SEMA3A: variants seen among roughly 807,000 people sequenced by gnomAD.
The protein encoded by SEMA3A is semaphorin-3A.
A neutral mutation model predicts 97.9 loss-of-function variants in SEMA3A; 29 were observed. That is an observed-to-expected ratio of 0.30 (90% CI 0.22 to 0.40). The LOEUF (loss-of-function observed/expected upper bound fraction) is 0.40. Ranked by LOEUF, SEMA3A falls within the 10% of genes least tolerant of loss-of-function variation. The pLI, the probability that SEMA3A is intolerant of heterozygous loss-of-function variation, is 1.00. For missense variants in SEMA3A, 763 were observed against 951.3 expected (o/e 0.80, Z 2.60); for synonymous variants, 321 against 323.7 (o/e 0.99, Z 0.09).
chr7:84,050,717 G>A (rs1267220890), intron 5 of SEMA3A, among the ~76,000 whole-genome samples: 2 of 152,154 alleles, frequency 1.3e-5, no homozygotes, highest in Non-Finnish European at 2.9e-5. Context: ...AGTTTAATTA[G>A]ATCCCATTTG....
chr7:84,329,466 A>G (rs1170176666), intron 2 of SEMA3A, among the ~76,000 whole-genome samples: 1 of 152,068 alleles, frequency 6.6e-6, no homozygotes, highest in Non-Finnish European at 1.5e-5. Context: ...GGTCCAAGAC[A>G]ATACTTCTCC....
chr7:84,368,889 A>G (rs1468944303), intron 2 of SEMA3A, among the ~76,000 whole-genome samples: 1 of 151,092 alleles, frequency 6.6e-6, no homozygotes, highest in Non-Finnish European at 1.5e-5. Context: ...AAAGTTATAT[A>G]TAACTTGTAT....
intron 12 of SEMA3A, among the ~76,000 whole-genome samples, chr7:84,000,204 G>A (rs1161641377): frequency 2.0e-5 from 3 of 151,958 alleles, no homozygotes; most frequent in Non-Finnish European, 4.4e-5. Flanking sequence ...AGCTGTTGTT[G>A]TTTTTAACTT....
intron 1 of SEMA3A, among the ~76,000 whole-genome samples, chr7:84,145,156 C>T (rs1233584173): frequency 6.6e-6 from 1 of 152,106 alleles, no homozygotes; most frequent in African/African-American, 2.4e-5. Flanking sequence ...AATTTATTCA[C>T]CTTTCAAGAC....
intron 15 of SEMA3A, among the ~76,000 whole-genome samples, chr7:83,966,793 C>T (rs891175502): frequency 1.3e-5 from 2 of 151,818 alleles, no homozygotes; most frequent in African/African-American, 4.8e-5. Flanking sequence ...CTCACGGCAA[C>T]CTCCGCCTCC....
intron 2 of SEMA3A, among the ~76,000 whole-genome samples, chr7:84,338,231 T>C (rs1350515997): frequency 6.6e-6 from 1 of 151,724 alleles, no homozygotes. Context: ...GGTCAGTACA[T>C]ATGAAATGAA....
intron 3 of SEMA3A, among the ~76,000 whole-genome samples, chr7:84,291,530 GC>G (rs558464350): frequency 1.3e-3 from 194 of 151,972 alleles, no homozygotes; most frequent in Non-Finnish European, 2.2e-3. Flanking sequence ...ATTACGTAAT[GC>G]TGTCTCTTCC....
rs776927613 is a variant in SEMA3A at position 84,069,488 on chromosome 7, C to A, written c.454-8930G>T. Reference sequence around the variant, plus strand: ...CTTATGTCACAGTAGAAATGCCAGCCTATATTTTTATCAGGCAAAATTATA... The same window carrying A: ...CTTATGTCACAGTAGAAATGCCAGCATATATTTTTATCAGGCAAAATTATA... On this transcript the variant is annotated intron_variant, in intron 4 of 16. Transcript: ENST00000265362. Among the ~76,000 whole-genome samples, 17 of 152,124 alleles carry A rather than the reference C, an allele frequency of 1.1e-4. No homozygotes were observed. In the East Asian group the frequency reaches 3.3e-3, roughly 29 times the overall value.
intron 2 of SEMA3A, among the ~76,000 whole-genome samples, chr7:84,307,749 T>G (rs950422729): frequency 5.3e-5 from 8 of 152,172 alleles, no homozygotes; most frequent in African/African-American, 1.9e-4. Flanking sequence ...CGGATTTCAC[T>G]TTAACAAAAG....
At chr7:84,041,786 A>G (rs760485561) in intron 6 of SEMA3A, among the ~76,000 whole-genome samples, 4 of 152,100 alleles carry the variant, frequency 2.6e-5, no homozygotes, top group Non-Finnish European at 5.9e-5. Context: ...TAACCATAAA[A>G]CAGGCTTATA....
At chr7:84,391,942 AGAGT>A (rs984361412) in intron 1 of SEMA3A, among the ~76,000 whole-genome samples, 2 of 146,820 alleles carry the variant, frequency 1.4e-5, no homozygotes, top group African/African-American at 5.0e-5. Flanking sequence ...CCTGAGAAAC[AGAGT>A]GAGACCCTGT....
chr7:84,163,398 A>T (rs1797103410), intron 1 of SEMA3A, among the ~76,000 whole-genome samples: 1 of 152,120 alleles, frequency 6.6e-6, no homozygotes, highest in South Asian at 2.1e-4. Context: ...AAGAGGCCAA[A>T]AAAAAGAAAC....
At chr7:84,444,493 G>T (rs140382834) in intron 1 of SEMA3A, among the ~76,000 whole-genome samples, 160 of 151,820 alleles carry the variant, frequency 1.1e-3, no homozygotes, top group Non-Finnish European at 1.9e-3. Flanking sequence ...TAAATTAGAT[G>T]AGCCATTGCT....
At chr7:84,114,141 T>C (rs573655112) in intron 3 of SEMA3A, among the ~76,000 whole-genome samples, 53 of 152,278 alleles carry the variant, frequency 3.5e-4, no homozygotes, top group African/African-American at 1.3e-3. Context: ...AACTGCTCCA[T>C]GCATGAAAAT....
At chr7:84,297,990 A>G (rs1351197033) in intron 3 of SEMA3A, among the ~76,000 whole-genome samples, 1 of 152,190 alleles carries the variant, frequency 6.6e-6, no homozygotes, top group Admixed American at 6.6e-5. Flanking sequence ...TCTCTCCTGT[A>G]TTAAACCTCT....
intron 6 of SEMA3A, among the ~76,000 whole-genome samples, chr7:84,038,169 G>T (rs1330843734): frequency 2.0e-5 from 3 of 151,952 alleles, no homozygotes; most frequent in Non-Finnish European, 2.9e-5. Flanking sequence ...AAAATGAGCA[G>T]ACACCATTAA....
intron 1 of SEMA3A, among the ~76,000 whole-genome samples, chr7:84,455,632 A>C (rs928025838): frequency 6.6e-6 from 1 of 151,924 alleles, no homozygotes; most frequent in African/African-American, 2.4e-5. Flanking sequence ...CTATGATTTC[A>C]ATGTGAATAA....
At chr7:84,474,272 C>T (rs1036872286) in intron 1 of SEMA3A, among the ~76,000 whole-genome samples, 5 of 152,136 alleles carry the variant, frequency 3.3e-5, no homozygotes, top group African/African-American at 1.2e-4. Context: ...GAAACTTCAC[C>T]TAGGACAAGC....
At chr7:84,051,049 G>C (rs536630255) in intron 5 of SEMA3A, among the ~76,000 whole-genome samples, 4 of 151,674 alleles carry the variant, frequency 2.6e-5, no homozygotes, top group African/African-American at 9.7e-5. Context: ...GGAGGGCTCT[G>C]TTCTGTTCCA....
Sources: allele counts gnomAD v4.1 joint callset (sites outside exome capture counted in the v4.1 genomes callset), GRCh38; gene constraint gnomAD v4.1.1; transcripts MANE v1.5; gene names NCBI Gene and HGNC (gene_info 2026-07-23, HGNC 2026-07-21).